Variants in PPP1R16A observed in about 807,000 individuals in gnomAD.
PPP1R16A encodes protein phosphatase 1 regulatory subunit 16A, also known as myosin phosphatase-targeting subunit 3.
In PPP1R16A, 39 loss-of-function variants were observed where a neutral mutation model predicts 46.6. The observed-to-expected ratio is 0.84, with a 90% CI of 0.65 to 1.09. The LOEUF (loss-of-function observed/expected upper bound fraction) is 1.09, where lower values mean the gene tolerates loss of function less well. Among genes scored for constraint, PPP1R16A ranks in the 50% least tolerant of loss-of-function variants. PPP1R16A has a pLI of 0.00. For synonymous variants in PPP1R16A, 413 were observed against 321.5 expected (o/e 1.28, Z -3.04); for missense variants, 798 against 735.6 (o/e 1.08, Z -0.98).
At chr8:144,488,681 C>T (rs775377481) in intron 1 of PPP1R16A, among the ~76,000 whole-genome samples, 13 of 152,036 alleles carry the variant, frequency 8.6e-5, no homozygotes, top group Non-Finnish European at 1.6e-4. Context: ...ATTTGGGCAA[C>T]GATGGGCGGG....
chr8:144,501,044 C>G lies in PPP1R16A; in HGVS notation c.1037+73C>G, dbSNP rs1310232973. ...CGTCAGCCCCGGGCGGAGTGCCAGC[C>G]GAACTGGGGGCAGAGTCCGAGGGGG... On this transcript the variant is annotated intron_variant, in intron 10 of 11. Transcript: ENST00000435887. 14 of 1,523,146 alleles carry G rather than the reference C, an allele frequency of 9.2e-6. No individual in the cohort carries two copies. The South Asian group carries it at 1.6e-4, about 17-fold the overall frequency. 94.4% of individuals were successfully genotyped at this position (1,523,146 alleles called of 1,614,324 possible). A position where few individuals can be genotyped will look rare whatever the true frequency, so the allele number is the denominator to read the frequency against.
chr8:144,497,517 G>A (rs750885621), intron 3 of PPP1R16A, 64 bp downstream of exon 3: 105 of 1,600,358 alleles, frequency 6.6e-5, no homozygotes, highest in African/African-American at 1.2e-4. Flanking sequence ...CCTGGGTGCC[G>A]TCTCATGCCA....
rs746384128 is a variant in PPP1R16A at position 144,497,460 on chromosome 8, G to A, written c.259+7G>A. On this transcript the variant is annotated splice_region_variant and intron_variant, in intron 3 of 11. Coordinates refer to ENST00000435887, the MANE Select transcript of PPP1R16A (RefSeq NM_001329443.2). Reference sequence around the variant, plus strand: ...CGAAATGACCTGGAAGAAGGTGAGTGTGGCTGAGCCCAGAGCAGCTCCCAG... The same window carrying A: ...CGAAATGACCTGGAAGAAGGTGAGTATGGCTGAGCCCAGAGCAGCTCCCAG... The A allele has an allele frequency of 1.2e-6, 2 of 1,612,516 alleles. No homozygotes were observed. Among genetic ancestry groups the A allele is most frequent in the Admixed American group, 1.7e-5 (1 of 60,008 alleles).
chr8:144,498,995 G>T lies in PPP1R16A; in HGVS notation c.410G>T (p.Cys137Phe). 3 of 1,609,592 alleles carry T rather than the reference G, an allele frequency of 1.9e-6. No individual in the cohort carries two copies. Among genetic ancestry groups the T allele is most frequent in the Non-Finnish European group, 2.5e-6 (3 of 1,178,120 alleles). Residue 137 changes from cysteine to phenylalanine, a missense_variant, in exon 5 of 12, where the codon TGC (cysteine) becomes TTC (phenylalanine). Transcript: ENST00000435887. ...AACATCAATGCCTGTGACAGTGAGTGCTGGACGCCTCTGCATGCTGCGGCC... is the reference window on the plus strand; with the variant it reads ...AACATCAATGCCTGTGACAGTGAGTTCTGGACGCCTCTGCATGCTGCGGCC... ...GANINACDSE[C>F]WTPLHAAATC...
rs751435629 is a variant in PPP1R16A at position 144,480,490 on chromosome 8, CT to C, written c.-914+2378del. 7.3e-3 allele frequency among the ~76,000 whole-genome samples: 1,042 copies of C among 143,256 alleles called. 2 individuals carry two copies. Among genetic ancestry groups the C allele is most frequent in the African/African-American group, 0.015 (593 of 39,240 alleles). 94.0% of individuals were successfully genotyped at this position (143,256 alleles called of 152,430 possible). A position where few individuals can be genotyped will look rare whatever the true frequency, so the allele number is the denominator to read the frequency against. On this transcript the variant is annotated intron_variant, in intron 1 of 11. Transcript: ENST00000435887. Reference sequence around the variant, plus strand: ...CTACCATGCCAGTTAATTTTTATATCTTTTTTTTTTTTTTTGAGACAGAGTC... The same window carrying C: ...CTACCATGCCAGTTAATTTTTATATCTTTTTTTTTTTTTTGAGACAGAGTC...
chr8:144,482,181 T>A (rs1825461147), intron 1 of PPP1R16A, among the ~76,000 whole-genome samples: 1 of 152,122 alleles, frequency 6.6e-6, no homozygotes, highest in African/African-American at 2.4e-5. Context: ...CAAGCGATTC[T>A]TCTGCCTCAG....
intron 2 of PPP1R16A, among the ~76,000 whole-genome samples, chr8:144,492,563 C>G (rs1347050653): frequency 6.6e-6 from 1 of 152,120 alleles, no homozygotes; most frequent in East Asian, 1.9e-4. Context: ...TCTCGATCTC[C>G]TGACCTCGTG....
chr8:144,497,133 C>T lies in PPP1R16A; in HGVS notation c.-62C>T. 2.0e-6 allele frequency: 3 copies of T among 1,535,014 alleles called. No homozygotes were observed. The highest frequency in any genetic ancestry group is 1.7e-6 in the Non-Finnish European group (2 of 1,145,164). ...TAGCTGCCCCACCCCTCAGGCCCAG[C>T]CTGGCCCCCAAGCTCCCCACTCTGG... On this transcript the variant is annotated 5_prime_UTR_variant, in exon 3 of 12. Transcript: ENST00000435887.
chr8:144,481,431 T>C (rs60016894), intron 1 of PPP1R16A, among the ~76,000 whole-genome samples: 2,767 of 151,408 alleles, frequency 0.018, 84 homozygotes, highest in African/African-American at 0.06. Context: ...TCATCTGAGG[T>C]TGGGAGTTCG....
chr8:144,497,830 G>A (rs1050729842), intron 3 of PPP1R16A: 1 of 383,800 alleles, frequency 2.6e-6, no homozygotes, highest in Non-Finnish European at 5.1e-6. Flanking sequence ...CTGCTCAGGA[G>A]AGCCCTGGTC....
chr8:144,502,015 A>G lies in PPP1R16A; in HGVS notation c.*112A>G. 9.1e-7 allele frequency: 1 copy of G among 1,101,920 alleles called. No homozygotes were observed. Among genetic ancestry groups the G allele is most frequent in the Non-Finnish European group, 1.3e-6 (1 of 797,076 alleles). The allele number at this position is 1,101,920 out of a possible 1,614,324, so 68.3% of individuals were successfully genotyped here. A position where few individuals can be genotyped will look rare whatever the true frequency, so the allele number is the denominator to read the frequency against. ...GCACGGAAACCCCGGCTTCTACTGTACAGGACACTGGCCCCTCTCAGGTCA... is the reference window on the plus strand; with the variant it reads ...GCACGGAAACCCCGGCTTCTACTGTGCAGGACACTGGCCCCTCTCAGGTCA... On this transcript the variant is annotated 3_prime_UTR_variant, in exon 12 of 12. Coordinates refer to ENST00000435887, the MANE Select transcript of PPP1R16A (RefSeq NM_001329443.2).
chr8:144,489,372 G>C (rs1261127052), intron 1 of PPP1R16A, among the ~76,000 whole-genome samples: 2 of 106,156 alleles, frequency 1.9e-5, no homozygotes, highest in African/African-American at 7.4e-5. Flanking sequence ...TCTGAGGGGG[G>C]TTGGTCTGAG....
At chr8:144,491,032 G>T (rs1031727649) in intron 2 of PPP1R16A, among the ~76,000 whole-genome samples, 1 of 151,932 alleles carries the variant, frequency 6.6e-6, no homozygotes, top group African/African-American at 2.4e-5. Context: ...GCACTCCAGC[G>T]TGGGGACAGA....
rs149977141 is a variant in PPP1R16A at position 144,496,885 on chromosome 8, C to G, written c.-310C>G. ...CCGGCCAGGTCTCGGGGCTGCCTCC[C>G]ATAGGTTGTGCACCCTGACCCCGAG... On this transcript the variant is annotated 5_prime_UTR_variant, in exon 3 of 12. Transcript: ENST00000435887. 2.4e-3 allele frequency: 1,258 copies of G among 515,398 alleles called. 3 individuals carry two copies. Among genetic ancestry groups the G allele is most frequent in the African/African-American group, 6.9e-3 (362 of 52,318 alleles). 31.9% of individuals were successfully genotyped at this position (515,398 alleles called of 1,614,324 possible).
chr8:144,499,903 G>A (rs987044842), intron 5 of PPP1R16A, 193 bp from the exon 6 acceptor site: 3 of 594,154 alleles, frequency 5.0e-6, no homozygotes, highest in Non-Finnish European at 9.0e-6. Context: ...ACTGCAGGAG[G>A]CCTGTCTGGC....
At chr8:144,492,674 C>A (rs917601850) in intron 2 of PPP1R16A, among the ~76,000 whole-genome samples, 1 of 152,020 alleles carries the variant, frequency 6.6e-6, no homozygotes, top group African/African-American at 2.4e-5. Context: ...CTGAGGTGCA[C>A]CGTACACACA....
intron 3 of PPP1R16A, 143 bp downstream of exon 3, chr8:144,497,596 C>T: frequency 1.6e-6 from 2 of 1,250,468 alleles, no homozygotes; most frequent in Admixed American, 3.9e-5. Context: ...TCTCTTCAGG[C>T]TGGGTGGCCC....
At chr8:144,480,802 A>G (rs901336401) in intron 1 of PPP1R16A, among the ~76,000 whole-genome samples, 2 of 151,910 alleles carry the variant, frequency 1.3e-5, no homozygotes, top group African/African-American at 4.8e-5. Flanking sequence ...GATTTTTTAC[A>G]TCAAACTTTA....
chr8:144,501,796 C>G lies in PPP1R16A; in HGVS notation c.1480C>G (p.Gln494Glu), dbSNP rs1160657120. Residue 494 changes from glutamine to glutamate, a missense_variant, in exon 12 of 12, where the codon CAG (glutamine) becomes GAG (glutamate). Transcript: ENST00000435887. ...PGLPGDTVTPQPDCGFRAGGD... is the reference protein window; with the variant it reads ...PGLPGDTVTPEPDCGFRAGGD... Reference sequence around the variant, plus strand: ...CCTGCCTGGTGACACGGTGACCCCCCAGCCTGACTGTGGCTTCAGGGCAGG... The same window carrying G: ...CCTGCCTGGTGACACGGTGACCCCCGAGCCTGACTGTGGCTTCAGGGCAGG... The G allele has an allele frequency of 4.5e-6, 7 of 1,557,658 alleles. No homozygotes were observed. Among genetic ancestry groups the G allele is most frequent in the Middle Eastern group, 1.8e-4 (1 of 5,634 alleles).
Sources: gnomAD v4.1 joint callset for allele counts (sites outside exome capture counted in the v4.1 genomes callset) on GRCh38, gnomAD v4.1.1 for gene constraint, MANE v1.5 for transcripts, NCBI Gene and HGNC (gene_info 2026-07-23, HGNC 2026-07-21) for gene names.